Variants in POLR1B observed in about 807,000 individuals in gnomAD.
POLR1B encodes the protein RNA polymerase I subunit B.
POLR1B carries 30 observed loss-of-function variants against 105.8 expected under a neutral mutation model. That is an observed-to-expected ratio of 0.28 (90% CI 0.21 to 0.38). The LOEUF is 0.38. POLR1B is among the 10% of genes least tolerant of loss of function. POLR1B has a pLI of 1.00. For missense variants in POLR1B, 976 were observed against 1,435.8 expected, an observed-to-expected ratio of 0.68 and a Z score of 5.17; for synonymous variants, 485 against 505.1, an observed-to-expected ratio of 0.96 and a Z score of 0.53.
rs142437793 is a variant in POLR1B, at chr2:112,563,507, G to T, written c.1613-859G>T. Among the ~76,000 whole-genome samples, 270 of 152,256 alleles carry T rather than the reference G, an allele frequency of 1.8e-3. 2 individuals are homozygous for T. In the South Asian group the frequency reaches 0.03, roughly 17 times the overall value. ...GCAGTCAGTCCCCTCAAACCCTGCCGCTGTTTTATCAACTAAGTTTATGAA... is the reference window on the plus strand; with the variant it reads ...GCAGTCAGTCCCCTCAAACCCTGCCTCTGTTTTATCAACTAAGTTTATGAA... On this transcript the variant is annotated intron_variant, in intron 9 of 14. Coordinates refer to ENST00000263331, the MANE Select transcript of POLR1B (RefSeq NM_019014.6).
Position 112,575,809 on chromosome 2 carries a change from C to T in POLR1B, c.*80C>T, listed in dbSNP as rs531778995. 106 of 1,442,766 alleles carry T rather than the reference C, an allele frequency of 7.3e-5. No homozygotes were observed. The African/African-American group carries it at 1.5e-3, about 20-fold the overall frequency. The allele number at this position is 1,442,766 out of a possible 1,614,324, so 89.4% of individuals were successfully genotyped here. ...TTTAATTCAATGAAGATATCATTACCAGGTTACTCTTGAGATTTTTCAACG... is the reference window on the plus strand; with the variant it reads ...TTTAATTCAATGAAGATATCATTACTAGGTTACTCTTGAGATTTTTCAACG... On this transcript the variant is annotated 3_prime_UTR_variant, in exon 15 of 15. Coordinates refer to ENST00000263331, the MANE Select transcript of POLR1B (RefSeq NM_019014.6). This position sits in a 1 kb window ranked among gnomAD's most constrained non-coding sequence, Gnocchi z 5.3.
rs1319808606 is a variant in POLR1B, at chr2:112,551,758, T to C, written c.763-17T>C. 1.3e-6 allele frequency: 2 copies of C among 1,590,576 alleles called. No individual in the cohort carries two copies. The highest frequency in any genetic ancestry group is 1.7e-5 in the Admixed American group (1 of 57,292). On this transcript the variant is annotated splice_polypyrimidine_tract_variant and intron_variant, in intron 5 of 14. Transcript: ENST00000263331. ...TAGTTATTAGTGAGCAATTAAACCT[T>C]TTATTTTCTATTCTAGGCACTTGTC...
At chr2:112,559,697 C>T in intron 9 of POLR1B, 123 bp downstream of exon 9, 1 of 1,130,192 alleles carries the variant, frequency 8.8e-7, no homozygotes, top group Non-Finnish European at 1.3e-6. Flanking sequence ...GTGGCGCGAT[C>T]TTGGCTCACT....
At chr2:112,570,065 C>T (rs13018087) in intron 12 of POLR1B, among the ~76,000 whole-genome samples, 13,949 of 144,676 alleles carry the variant, frequency 0.096, 822 homozygotes, top group South Asian at 0.17. Context: ...TTTTTTTTTC[C>T]CGAGATGGAG....
intron 1 of POLR1B, among the ~76,000 whole-genome samples, chr2:112,543,200 A>G (rs570651035): frequency 6.6e-6 from 1 of 152,320 alleles, no homozygotes; most frequent in East Asian, 1.9e-4. Flanking sequence ...TAATTGCATT[A>G]TTAGCGTAGA....
Position 112,549,369 on chromosome 2 carries a change from A to C in POLR1B, c.595A>C (p.Lys199Gln), listed in dbSNP as rs140583185. ...CATTGCAATGATAAGACCAAAATGG[A>C]AAACCAGAGGGCCTGGTTATACTCA... ...FPIAMIRPKWKTRGPGYTQYG... is the reference protein window; with the variant it reads ...FPIAMIRPKWQTRGPGYTQYG... Residue 199 changes from lysine (K) to glutamine (Q), a missense_variant, in exon 4 of 15, where the codon AAA becomes CAA. Coordinates refer to ENST00000263331, the MANE Select transcript of POLR1B (RefSeq NM_019014.6). The C allele has an allele frequency of 6.2e-7, 1 of 1,613,782 alleles. No homozygotes were observed. The highest frequency in any genetic ancestry group is 1.3e-5 in the African/African-American group (1 of 75,028).
intron 6 of POLR1B, among the ~76,000 whole-genome samples, 170 bp downstream of exon 6, chr2:112,552,168 C>A (rs1047508827): frequency 1.3e-5 from 2 of 152,102 alleles, no homozygotes; most frequent in Non-Finnish European, 2.9e-5. Context: ...GCCCTCCTCA[C>A]TTGTATTTTT....
upstream of POLR1B, chr2:112,542,049 T>C (rs1682771168): frequency 6.7e-7 from 1 of 1,488,388 alleles, no homozygotes; most frequent in Admixed American, 2.0e-5. Context: ...TTTGGCCGGA[T>C]GACTCCCCAG....
chr2:112,551,682 G>A, intron 5 of POLR1B, 93 bp from the exon 6 acceptor site: 2 of 1,036,756 alleles, frequency 1.9e-6, no homozygotes, highest in Non-Finnish European at 1.4e-6. Context: ...ATTTTCCTTG[G>A]GTATTAAAAA....
rs1381475400 is a variant in POLR1B at position 112,579,065 on chromosome 2, G to A, written c.*3336G>A. On this transcript the variant is annotated 3_prime_UTR_variant, in exon 15 of 15. Coordinates refer to ENST00000263331, the MANE Select transcript of POLR1B (RefSeq NM_019014.6). ...TCTATTAAAAATACAAAAATTAGCT[G>A]GGTGTGATGGCACACGCCTGTAATC... Among the ~76,000 whole-genome samples the A allele has an allele frequency of 6.6e-6, 1 of 151,772 alleles. No individual in the cohort carries two copies. Among genetic ancestry groups the A allele is most frequent in the Non-Finnish European group, 1.5e-5 (1 of 67,942 alleles).
rs761844504 is a variant in POLR1B at position 112,574,861 on chromosome 2, G to A, written c.2540G>A (p.Cys847Tyr). The A allele has an allele frequency of 1.2e-5, 19 of 1,606,842 alleles. No individual in the cohort carries two copies. Among genetic ancestry groups the A allele is most frequent in the Non-Finnish European group, 1.4e-5 (16 of 1,174,484 alleles). The stretch of plus-strand genomic sequence containing the variant: ...CTTTTTCCTAGGAGTAAAGAAAATT[G>A]TGTTGTGGATAACATCAAAGTGTGC... ...FVMYYKSKENCVVDNIKVCSN... is the reference protein window; with the variant it reads ...FVMYYKSKENYVVDNIKVCSN... Residue 847 changes from cysteine (C) to tyrosine (Y), a missense_variant, in exon 15 of 15, where the codon TGT becomes TAT. Physicochemically the swap from Cys to Tyr is radical, Grantham distance 194 (BLOSUM62 -2). Around this residue, in one of 12 missense-constraint regions of POLR1B, gnomAD observed 119 missense variants for 149.7 expected, o/e 0.79. Coordinates refer to ENST00000263331, the MANE Select transcript of POLR1B (RefSeq NM_019014.6).
At chr2:112,570,433 T>C (rs1308990632) in intron 12 of POLR1B, among the ~76,000 whole-genome samples, 1 of 152,250 alleles carries the variant, frequency 6.6e-6, no homozygotes, top group Non-Finnish European at 1.5e-5. Flanking sequence ...TCATGTGCCC[T>C]TAACGACAGG....
intron 10 of POLR1B, among the ~76,000 whole-genome samples, chr2:112,565,413 T>A (rs1394619230): frequency 6.6e-6 from 1 of 152,242 alleles, no homozygotes; most frequent in African/African-American, 2.4e-5. Flanking sequence ...CATAAAGATT[T>A]TAGTGTACTT....
chr2:112,554,890 A>G (rs960517665), intron 7 of POLR1B, among the ~76,000 whole-genome samples: 1 of 152,128 alleles, frequency 6.6e-6, no homozygotes, highest in African/African-American at 2.4e-5. Context: ...AATAAAAACT[A>G]TTAGCAGTGG....
In POLR1B at chr2:112,572,573, A is replaced by G. The variant is rs1371862468; in HGVS notation, c.2086A>G (p.Met696Val). The change falls in exon 13 of 15, where the codon ATG (methionine) becomes GTG (valine). Residue 696 changes from methionine to valine, a missense_variant. Coordinates refer to ENST00000263331, the MANE Select transcript of POLR1B (RefSeq NM_019014.6). ...TTTTCTCCATGTAGGTAAGCAAACT[A>G]TGGGCTTTCCACTTCTCACTTATCA... is the stretch of plus-strand genomic sequence containing the variant. ...MYQCQMGKQT[M>V]GFPLLTYQDR... 4 of 1,579,668 alleles carry G rather than the reference A, an allele frequency of 2.5e-6. No individual in the cohort carries two copies. The highest frequency in any genetic ancestry group is 1.9e-5 in the Admixed American group (1 of 54,012).
intron 6 of POLR1B, 83 bp downstream of exon 6, chr2:112,552,081 G>A (rs528009155): frequency 6.0e-5 from 66 of 1,092,426 alleles, no homozygotes; most frequent in South Asian, 4.5e-5. Flanking sequence ...TTGGGCGGGC[G>A]AGTCATTTGG....
intron 9 of POLR1B, among the ~76,000 whole-genome samples, chr2:112,562,719 C>CTT (rs1684054395): frequency 7.6e-6 from 1 of 131,768 alleles, no homozygotes; most frequent in African/African-American, 3.1e-5. Flanking sequence ...GTGACAATTT[C>CTT]TTTTTTTTCT....
chr2:112,551,063 G>A, intron 5 of POLR1B, 61 bp downstream of exon 5: 1 of 1,504,272 alleles, frequency 6.6e-7, no homozygotes, highest in East Asian at 2.3e-5. Context: ...AGTATCCTGT[G>A]CACATTGGAT....
rs1684954723 is a variant in POLR1B at position 112,578,311 on chromosome 2, A to G, written c.*2582A>G. The stretch of plus-strand genomic sequence containing the variant: ...CGTCATCACAGAGCTCTGCCATACT[A>G]TCCTTTTATAGCCATCTCTACCTCT... On this transcript the variant is annotated 3_prime_UTR_variant, in exon 15 of 15. Transcript: ENST00000263331. Among the ~76,000 whole-genome samples the G allele has an allele frequency of 6.6e-6, 1 of 152,112 alleles. No homozygotes were observed. Among genetic ancestry groups the G allele is most frequent in the Admixed American group, 6.5e-5 (1 of 15,276 alleles).
Sources: gnomAD v4.1 joint callset for allele counts (sites outside exome capture counted in the v4.1 genomes callset) on GRCh38, gnomAD v4.1.1 for gene constraint, gnomAD v4.1.1 regional missense constraint, Gnocchi (gnomAD v3.1) non-coding constraint, MANE v1.5 for transcripts, NCBI Gene and HGNC (gene_info 2026-07-23, HGNC 2026-07-21) for gene names.